TSPAN9: variants seen among roughly 807,000 people sequenced by gnomAD.
The protein encoded by TSPAN9 is tetraspanin 9.
In TSPAN9, 16 loss-of-function variants were observed where a neutral mutation model predicts 31.0. The ratio of observed to expected loss-of-function variants is 0.52; its 90% CI spans 0.35 to 0.78. The LOEUF is 0.78. Among genes scored for constraint, TSPAN9 ranks in the 30% least tolerant of loss-of-function variants. The pLI is 0.01. For synonymous variants in TSPAN9, 145 were observed against 121.6 expected (o/e 1.19, Z -1.27); for missense variants, 272 against 312.5 (o/e 0.87, Z 0.98).
chr12:3,135,822 G>GACGGT (rs995278502), intron 2 of TSPAN9, among the ~76,000 whole-genome samples: 5 of 152,234 alleles, frequency 3.3e-5, no homozygotes, highest in Non-Finnish European at 5.9e-5. Context: ...AGCCCTCTCA[G>GACGGT]ACGTACCCTG....
intron 3 of TSPAN9, among the ~76,000 whole-genome samples, chr12:3,208,677 G>C (rs1462937927): frequency 6.6e-6 from 1 of 152,160 alleles, no homozygotes; most frequent in Admixed American, 6.6e-5. Context: ...AGTGACAGTT[G>C]TAAAATACAT....
At chr12:3,213,877 C>A (rs926232857) in intron 3 of TSPAN9, among the ~76,000 whole-genome samples, 19 of 152,190 alleles carry the variant, frequency 1.2e-4, no homozygotes, top group Non-Finnish European at 8.8e-5. Flanking sequence ...AAACAGCCTG[C>A]GGGATCCTGG....
intron 3 of TSPAN9, among the ~76,000 whole-genome samples, chr12:3,239,327 C>G (rs568888361): frequency 6.6e-6 from 1 of 152,192 alleles, no homozygotes; most frequent in Non-Finnish European, 1.5e-5. Flanking sequence ...CAGGCCTGCC[C>G]GTGAATGCTG....
chr12:3,232,423 A>T (rs1049754803), intron 3 of TSPAN9, among the ~76,000 whole-genome samples: 1 of 152,174 alleles, frequency 6.6e-6, no homozygotes, highest in African/African-American at 2.4e-5. Flanking sequence ...TTTGGGTGGG[A>T]TCATCAGGGT....
At chr12:3,160,102 C>T (rs2153969367) in intron 2 of TSPAN9, among the ~76,000 whole-genome samples, 1 of 152,306 alleles carries the variant, frequency 6.6e-6, no homozygotes, top group Non-Finnish European at 1.5e-5. Flanking sequence ...CCTCATTCCT[C>T]CCCCAGCCCT....
intron 3 of TSPAN9, among the ~76,000 whole-genome samples, chr12:3,227,483 T>TG (rs2098388458): frequency 1.3e-5 from 2 of 152,190 alleles, no homozygotes; most frequent in African/African-American, 4.8e-5. Context: ...CTGTTTTTAG[T>TG]GGGGAGACTC....
intron 2 of TSPAN9, among the ~76,000 whole-genome samples, chr12:3,184,518 A>C (rs930033978): frequency 6.6e-6 from 1 of 152,178 alleles, no homozygotes; most frequent in African/African-American, 2.4e-5. Flanking sequence ...TAGTGAATCT[A>C]TTTCTTTAAG....
intron 3 of TSPAN9, among the ~76,000 whole-genome samples, chr12:3,212,854 C>G (rs2098379460): frequency 6.6e-6 from 1 of 152,134 alleles, no homozygotes; most frequent in Admixed American, 6.5e-5. Context: ...GAGGCAGGCT[C>G]TCCAGGGACT....
intron 3 of TSPAN9, among the ~76,000 whole-genome samples, chr12:3,205,993 G>A (rs1203163719): frequency 6.6e-6 from 1 of 152,176 alleles, no homozygotes; most frequent in East Asian, 1.9e-4. Context: ...CAATCAGGAG[G>A]GGGTGGGGAG....
chr12:3,251,768 G>T lies in TSPAN9; in HGVS notation c.64-26653G>T, dbSNP rs560362855. On this transcript the variant is annotated intron_variant, in intron 3 of 8. Coordinates refer to ENST00000011898, the MANE Select transcript of TSPAN9 (RefSeq NM_006675.5). The stretch of plus-strand genomic sequence containing the variant: ...ACCAGCTGTCAGCCCCTGGAGGAAT[G>T]GGCAGCCTGTCGGCACCGGCTTGAG... Among the ~76,000 whole-genome samples, 25 of 152,330 alleles carry T rather than the reference G, an allele frequency of 1.6e-4. No homozygotes were observed. In the South Asian group the frequency reaches 5.0e-3, roughly 30 times the overall value.
chr12:3,174,638 A>C (rs535201153), intron 2 of TSPAN9, among the ~76,000 whole-genome samples: 24 of 152,150 alleles, frequency 1.6e-4, no homozygotes, highest in African/African-American at 5.3e-4. Flanking sequence ...GCTGGAGGGC[A>C]GTGGCGCGAT....
At chr12:3,191,802 A>G (rs1451401670) in intron 2 of TSPAN9, among the ~76,000 whole-genome samples, 1 of 152,208 alleles carries the variant, frequency 6.6e-6, no homozygotes, top group Admixed American at 6.5e-5. Flanking sequence ...AGAATCAGAT[A>G]GTAACATTGT....
chr12:3,132,098 C>T (rs559282466), intron 2 of TSPAN9, among the ~76,000 whole-genome samples: 1 of 152,198 alleles, frequency 6.6e-6, no homozygotes, highest in Admixed American at 6.5e-5. Flanking sequence ...TGCATCAGTA[C>T]TTCATTCTTT....
rs191069813 is a variant in TSPAN9, at chr12:3,147,371, T to A, written c.-17-53806T>A. Among the ~76,000 whole-genome samples, 1 of 151,780 alleles carries A rather than the reference T, an allele frequency of 6.6e-6. No individual in the cohort carries two copies. Among genetic ancestry groups the A allele is most frequent in the Non-Finnish European group, 1.5e-5 (1 of 67,972 alleles). Reference sequence around the variant, plus strand: ...CAGCTGCCTGCTGCATCCTGCTGAGTGTTGGGGCCCGGGAGACCCTCGCCG... The same window carrying A: ...CAGCTGCCTGCTGCATCCTGCTGAGAGTTGGGGCCCGGGAGACCCTCGCCG... On this transcript the variant is annotated intron_variant, in intron 2 of 8. Transcript: ENST00000011898. The surrounding 1 kb of genome is among the most constrained non-coding windows in gnomAD (Gnocchi z 4.3).
chr12:3,179,113 T>C (rs898435462), intron 2 of TSPAN9, among the ~76,000 whole-genome samples: 4 of 152,162 alleles, frequency 2.6e-5, no homozygotes, highest in African/African-American at 9.7e-5. Flanking sequence ...TATCAGGAGC[T>C]GGAAATAGGC....
At chr12:3,275,656 T>A (rs1484535635) in intron 3 of TSPAN9, among the ~76,000 whole-genome samples, 1 of 152,242 alleles carries the variant, frequency 6.6e-6, no homozygotes, top group Non-Finnish European at 1.5e-5. Context: ...CTAGCCCCGT[T>A]CCCTGGCGAA....
chr12:3,246,441 C>T (rs180830065), intron 3 of TSPAN9, among the ~76,000 whole-genome samples: 1 of 152,208 alleles, frequency 6.6e-6, no homozygotes, highest in Non-Finnish European at 1.5e-5. Flanking sequence ...GTCAGGAGAA[C>T]TTTGGCTGCC....
chr12:3,160,015 A>G (rs983933484), intron 2 of TSPAN9, among the ~76,000 whole-genome samples: 3 of 152,176 alleles, frequency 2.0e-5, no homozygotes, highest in Admixed American at 2.0e-4. Context: ...CACTGCCACA[A>G]TTTATATTTT....
At chr12:3,151,915 T>C (rs571692639) in intron 2 of TSPAN9, among the ~76,000 whole-genome samples, 3 of 148,676 alleles carry the variant, frequency 2.0e-5, no homozygotes, top group South Asian at 4.2e-4. Flanking sequence ...AGAGTGAGAC[T>C]CCACCTCAAA....
Sources: gnomAD v4.1 joint callset for allele counts (sites outside exome capture counted in the v4.1 genomes callset) on GRCh38, gnomAD v4.1.1 for gene constraint, Gnocchi (gnomAD v3.1) non-coding constraint, MANE v1.5 for transcripts, NCBI Gene and HGNC (gene_info 2026-07-23, HGNC 2026-07-21) for gene names.